Variants in TRPM8 observed in about 807,000 individuals in gnomAD.
TRPM8 encodes the protein TRPM8 cationic channel.
Under a neutral mutation model 133.7 loss-of-function variants are expected in TRPM8, and 110 were observed. The ratio of observed to expected loss-of-function variants is 0.82; its 90% CI spans 0.70 to 0.96. TRPM8 has a LOEUF of 0.96. TRPM8 is among the 40% of genes least tolerant of loss of function. The pLI is 0.00. For missense variants in TRPM8, 1,291 were observed against 1,379.5 expected (o/e 0.94, Z 1.02); for synonymous variants, 535 against 532.3 (o/e 1.01, Z -0.07).
At chr2:233,956,186 G>A (rs184742477) in intron 11 of TRPM8, among the ~76,000 whole-genome samples, 1 of 152,264 alleles carries the variant, frequency 6.6e-6, no homozygotes, top group East Asian at 1.9e-4. Context: ...CCCCAGCCTG[G>A]TCGATGGTAA....
intron 15 of TRPM8, chr2:233,968,127 C>G (rs955352728): frequency 6.6e-6 from 1 of 152,212 alleles, no homozygotes; most frequent in African/African-American, 2.4e-5. Context: ...TGGGGCCTGA[C>G]GGTGATGCTC....
chr2:233,998,848 A>G (rs1386468456), intron 22 of TRPM8, among the ~76,000 whole-genome samples: 2 of 152,174 alleles, frequency 1.3e-5, no homozygotes, highest in East Asian at 3.9e-4. Flanking sequence ...GACTATCCCA[A>G]TTGTAACATG....
intron 24 of TRPM8, among the ~76,000 whole-genome samples, chr2:234,010,673 G>GT (rs1209442311): frequency 3.3e-5 from 5 of 151,986 alleles, no homozygotes; most frequent in Admixed American, 1.3e-4. Context: ...AATAAGCGTC[G>GT]TAACAGGTGT....
At chr2:233,954,135 T>C (rs183142208) in intron 10 of TRPM8, 116 bp downstream of exon 10, 1 of 650,686 alleles carries the variant, frequency 1.5e-6, no homozygotes, top group East Asian at 3.0e-5. Flanking sequence ...GTACTTAATT[T>C]TGATGATCCT....
chr2:233,935,738 T>C (rs528728050), intron 3 of TRPM8, among the ~76,000 whole-genome samples: 9 of 152,186 alleles, frequency 5.9e-5, no homozygotes, highest in South Asian at 4.2e-4. Flanking sequence ...CTAAGATTGG[T>C]CAGAGAGACA....
In TRPM8 at chr2:233,965,113, T is replaced by C. The variant is rs183794545; in HGVS notation, c.1879+356T>C. On this transcript the variant is annotated intron_variant, in intron 14 of 25. Transcript: ENST00000324695. ...ATTGTGACAGGGCTGAGATTTTACC[T>C]GACTTGTGCCCTAACCAGTTAGCCT... Among the ~76,000 whole-genome samples, 794 of 151,878 alleles carry C rather than the reference T, an allele frequency of 5.2e-3. 15 individuals are homozygous for C. The highest frequency in any genetic ancestry group is 0.035 in the Admixed American group (533 of 15,246).
chr2:233,966,559 G>A (rs367776875), intron 14 of TRPM8, 51 bp from the exon 15 acceptor site: 19 of 1,609,022 alleles, frequency 1.2e-5, no homozygotes, highest in East Asian at 2.2e-5. Context: ...GGACAGTTTC[G>A]GTCATGTGCA....
At chr2:233,947,443 T>G in intron 8 of TRPM8, 3 of 1,415,004 alleles carry the variant, frequency 2.1e-6, no homozygotes, top group Non-Finnish European at 2.8e-6. Flanking sequence ...ACTTAAAGAT[T>G]GTAACCGGCA....
chr2:233,995,902 C>T (rs193155202), intron 21 of TRPM8, among the ~76,000 whole-genome samples: 31 of 152,154 alleles, frequency 2.0e-4, no homozygotes, highest in African/African-American at 7.0e-4. Context: ...TCTTGATAAA[C>T]ACTAACAAGC....
chr2:233,927,962 T>TCTC (rs1559516800), intron 2 of TRPM8, among the ~76,000 whole-genome samples: 1,601 of 31,370 alleles, frequency 0.051, 249 homozygotes, highest in Non-Finnish European at 0.061. Flanking sequence ...CTCTCTCTCT[T>TCTC]TCTTTCTTTC....
chr2:233,988,442 G>C (rs557840533), intron 21 of TRPM8, among the ~76,000 whole-genome samples: 118 of 152,190 alleles, frequency 7.8e-4, no homozygotes, highest in African/African-American at 2.8e-3. Context: ...GGTGAAGATT[G>C]TGCCCGCCAT....
At position 233,953,935 on chromosome 2, in the gene TRPM8, T is replaced by C. The variant is rs145663793; in HGVS notation, c.1159T>C (p.Cys387Arg). Reference sequence around the variant, plus strand: ...TCGCCAGCTCAAAGAAATTCTCGAATGTTCTCACCTATTAACAGTTATTAA... The same window carrying C: ...TCGCCAGCTCAAAGAAATTCTCGAACGTTCTCACCTATTAACAGTTATTAA... ...WIKWLKEILE[C>R]SHLLTVIKME... Residue 387 changes from cysteine to arginine, a missense_variant, in exon 10 of 26, where the codon TGT (cysteine) becomes CGT (arginine). Physicochemically the swap from Cys to Arg is radical, Grantham distance 180. This residue lies in a region of TRPM8 where 963 missense variants were observed against 968.9 expected (regional missense o/e 0.99). Transcript: ENST00000324695. 2 of 1,612,900 alleles carry C rather than the reference T, an allele frequency of 1.2e-6. No individual in the cohort carries two copies. The highest frequency in any genetic ancestry group is 4.5e-5 in the East Asian group (2 of 44,868).
rs539413963 is a variant in TRPM8 at position 233,999,150 on chromosome 2, A to C, written c.3130+2634A>C. Among the ~76,000 whole-genome samples, 6 of 152,038 alleles carry C rather than the reference A, an allele frequency of 3.9e-5. 1 individual carries two copies. The highest frequency in any genetic ancestry group is 1.9e-4 in the East Asian group (1 of 5,180). Reference sequence around the variant, plus strand: ...TGATTCTGTGGGTCCCTCCTGGGGCAGGGCAGGGCAGGGCAGGGCAGAGCT... The same window carrying C: ...TGATTCTGTGGGTCCCTCCTGGGGCCGGGCAGGGCAGGGCAGGGCAGAGCT... On this transcript the variant is annotated intron_variant, in intron 22 of 25. Coordinates refer to ENST00000324695, the MANE Select transcript of TRPM8 (RefSeq NM_024080.5).
intron 21 of TRPM8, among the ~76,000 whole-genome samples, chr2:233,986,848 A>G (rs776965645): frequency 1.3e-5 from 2 of 152,234 alleles, no homozygotes; most frequent in African/African-American, 4.8e-5. Context: ...GAAAAGTCCA[A>G]TGGCCAATAA....
At chr2:234,006,320 A>C (rs1692693432) in intron 22 of TRPM8, among the ~76,000 whole-genome samples, 1 of 152,194 alleles carries the variant, frequency 6.6e-6, no homozygotes, top group Non-Finnish European at 1.5e-5. Flanking sequence ...GTCCCAGAAC[A>C]ATCTTACGGC....
chr2:233,930,043 T>C (rs1299764251), intron 2 of TRPM8, among the ~76,000 whole-genome samples: 1 of 152,230 alleles, frequency 6.6e-6, no homozygotes, highest in Non-Finnish European at 1.5e-5. Flanking sequence ...TGCTTATATA[T>C]TCTGGCTATC....
At chr2:233,966,129 T>C (rs889194305) in intron 14 of TRPM8, 11 of 157,162 alleles carry the variant, frequency 7.0e-5, no homozygotes, top group East Asian at 5.7e-4. Flanking sequence ...GGATTACAGG[T>C]GTGAGCCACT....
chr2:233,920,315 G>A (rs1691383484), intron 1 of TRPM8, among the ~76,000 whole-genome samples: 2 of 152,238 alleles, frequency 1.3e-5, no homozygotes, highest in Admixed American at 1.3e-4. Flanking sequence ...TATCTCTATG[G>A]TGGTCATTAA....
intron 21 of TRPM8, among the ~76,000 whole-genome samples, chr2:233,995,501 G>A (rs538629487): frequency 6.8e-4 from 103 of 152,290 alleles, no homozygotes; most frequent in African/African-American, 2.5e-3. Context: ...CAAGGTGACT[G>A]CCATTTGTGG....
Sources: allele counts gnomAD v4.1 joint callset (sites outside exome capture counted in the v4.1 genomes callset), GRCh38; gene constraint gnomAD v4.1.1; regional missense constraint gnomAD v4.1.1; transcripts MANE v1.5; gene names NCBI Gene and HGNC (gene_info 2026-07-23, HGNC 2026-07-21).